Variants in TMEM132D observed in about 807,000 individuals in gnomAD.
TMEM132D encodes mature OL transmembrane protein.
A neutral mutation model predicts 62.3 loss-of-function variants in TMEM132D; 21 were observed. The observed-to-expected ratio is 0.34, with a 90% CI of 0.24 to 0.49. The LOEUF (loss-of-function observed/expected upper bound fraction) is 0.49, where lower values mean the gene tolerates loss of function less well. Ranked by LOEUF, TMEM132D falls within the 20% of genes least tolerant of loss-of-function variation. The pLI, the probability that TMEM132D is intolerant of heterozygous loss-of-function variation, is 0.99. For synonymous variants in TMEM132D, 621 were observed against 575.6 expected, an observed-to-expected ratio of 1.08 and a Z score of -1.13; for missense variants, 1,346 against 1,402.8, an observed-to-expected ratio of 0.96 and a Z score of 0.65.
intron 4 of TMEM132D, among the ~76,000 whole-genome samples, chr12:129,296,354 C>T (rs1881576078): frequency 6.6e-6 from 1 of 152,186 alleles, no homozygotes; most frequent in African/African-American, 2.4e-5. Context: ...AATGGAAAAA[C>T]AAGTATTTTA....
chr12:129,173,481 G>A (rs2135547501), intron 5 of TMEM132D, among the ~76,000 whole-genome samples: 1 of 152,314 alleles, frequency 6.6e-6, no homozygotes, highest in East Asian at 1.9e-4. Context: ...CCAAAGTCAT[G>A]CTTTTTCTCA....
In TMEM132D at chr12:129,074,041, A is replaced by T. The variant is rs201505486; in HGVS notation, c.3134T>A (p.Val1045Glu). ...PTSPTSKRKR[V>E]KFTTFTAVSS... ...GACGGCGGTGAAGGTGGTAAATTTTACCCTTTTCCTTTTTGAGGTAGGGGA... is the reference window on the plus strand; with the variant it reads ...GACGGCGGTGAAGGTGGTAAATTTTTCCCTTTTCCTTTTTGAGGTAGGGGA... Residue 1045 changes from valine to glutamate, a missense_variant, in exon 9 of 9, where the codon GTA becomes GAA. Transcript: ENST00000422113. 1.2e-6 allele frequency: 2 copies of T among 1,613,404 alleles called. No homozygotes were observed. The highest frequency in any genetic ancestry group is 1.7e-6 in the Non-Finnish European group (2 of 1,179,754).
At chr12:129,652,335 G>T (rs79298165) in intron 2 of TMEM132D, among the ~76,000 whole-genome samples, 2,297 of 152,232 alleles carry the variant, frequency 0.015, 50 homozygotes, top group African/African-American at 0.051. Context: ...TTAAGCACTG[G>T]TGGCATGCAG....
chr12:129,149,005 A>G (rs946517961), intron 5 of TMEM132D, among the ~76,000 whole-genome samples: 3 of 152,180 alleles, frequency 2.0e-5, no homozygotes, highest in Non-Finnish European at 4.4e-5. Context: ...TTTTTAATGA[A>G]AAATGCTGCC....
At chr12:129,241,150 C>CA (rs35152074) in intron 4 of TMEM132D, among the ~76,000 whole-genome samples, 8,256 of 95,334 alleles carry the variant, frequency 0.087, 592 homozygotes, top group African/African-American at 0.23. Flanking sequence ...CCTCTTACCT[C>CA]AAAAAAAAAA....
intron 1 of TMEM132D, among the ~76,000 whole-genome samples, chr12:129,724,540 G>T (rs1206093901): frequency 6.6e-6 from 1 of 152,070 alleles, no homozygotes; most frequent in Non-Finnish European, 1.5e-5. Context: ...TTTTTGTTTT[G>T]AGATGGAGTC....
chr12:129,727,757 T>G (rs1386116618), intron 1 of TMEM132D, among the ~76,000 whole-genome samples: 1 of 152,046 alleles, frequency 6.6e-6, no homozygotes, highest in African/African-American at 2.4e-5. Context: ...ATGTGAAGTG[T>G]GGGTGGATTA....
intron 1 of TMEM132D, among the ~76,000 whole-genome samples, chr12:129,729,034 T>C (rs531877899): frequency 6.6e-6 from 1 of 152,338 alleles, no homozygotes; most frequent in Non-Finnish European, 1.5e-5. Context: ...TGTAAAAATC[T>C]TGACTTAAGC....
chr12:129,127,534 C>T (rs1035371382), intron 5 of TMEM132D, among the ~76,000 whole-genome samples: 2 of 152,048 alleles, frequency 1.3e-5, no homozygotes, highest in African/African-American at 4.8e-5. Flanking sequence ...GAAAATCTGC[C>T]ATTTAAAAGT....
intron 3 of TMEM132D, among the ~76,000 whole-genome samples, chr12:129,479,116 C>A (rs7302824): frequency 8.4e-4 from 128 of 152,240 alleles, no homozygotes; most frequent in Non-Finnish European, 7.1e-4. Flanking sequence ...TCTTTGAGGA[C>A]AAGAGTGTTC....
chr12:129,542,786 TACA>T (rs1416496398), intron 2 of TMEM132D, among the ~76,000 whole-genome samples: 1 of 152,200 alleles, frequency 6.6e-6, no homozygotes, highest in Non-Finnish European at 1.5e-5. Flanking sequence ...TAACTGCATG[TACA>T]ACAATGGTCC....
chr12:129,602,313 T>C (rs977812712), intron 2 of TMEM132D, among the ~76,000 whole-genome samples: 2 of 152,152 alleles, frequency 1.3e-5, no homozygotes, highest in East Asian at 1.9e-4. Context: ...AAAACTATGA[T>C]GGATACTAGG....
chr12:129,134,007 A>G (rs1876459316), intron 5 of TMEM132D, among the ~76,000 whole-genome samples: 1 of 151,942 alleles, frequency 6.6e-6, no homozygotes. Context: ...GAGTTAAGAG[A>G]TGAAGATATA....
At chr12:129,287,058 G>A (rs1342993493) in intron 4 of TMEM132D, among the ~76,000 whole-genome samples, 12 of 142,544 alleles carry the variant, frequency 8.4e-5, no homozygotes, top group Non-Finnish European at 1.4e-4. Context: ...AAAAAAAAAA[G>A]GGAGAAAAGG....
intron 5 of TMEM132D, among the ~76,000 whole-genome samples, chr12:129,089,879 C>T (rs1278042333): frequency 2.0e-5 from 3 of 152,242 alleles, no homozygotes; most frequent in African/African-American, 7.2e-5. Flanking sequence ...CCTGTGGCCT[C>T]CTGCTCCAGG....
At chr12:129,731,823 C>T (rs531014325) in intron 1 of TMEM132D, among the ~76,000 whole-genome samples, 97 of 152,140 alleles carry the variant, frequency 6.4e-4, no homozygotes, top group African/African-American at 1.4e-3. Context: ...CCACCACGCC[C>T]GGCTAATTTT....
intron 3 of TMEM132D, among the ~76,000 whole-genome samples, chr12:129,401,513 G>C (rs1260951611): frequency 6.6e-6 from 1 of 152,106 alleles, no homozygotes; most frequent in East Asian, 1.9e-4. Flanking sequence ...AGGCTGCAGT[G>C]AGCTGAGATC....
At chr12:129,649,712 A>G (rs1378026865) in intron 2 of TMEM132D, among the ~76,000 whole-genome samples, 1 of 152,056 alleles carries the variant, frequency 6.6e-6, no homozygotes, top group East Asian at 1.9e-4. Context: ...GTATATATAC[A>G]TGCATAATCC....
chr12:129,628,296 T>C (rs1269842302), intron 2 of TMEM132D, among the ~76,000 whole-genome samples: 2 of 152,196 alleles, frequency 1.3e-5, no homozygotes, highest in Admixed American at 6.5e-5. Context: ...TTGCTACTTC[T>C]ATCAGCCATA....
Sources: allele counts gnomAD v4.1 joint callset (sites outside exome capture counted in the v4.1 genomes callset), GRCh38; gene constraint gnomAD v4.1.1; transcripts MANE v1.5; gene names NCBI Gene and HGNC (gene_info 2026-07-23, HGNC 2026-07-21).